MYO6: variants seen among roughly 807,000 people sequenced by gnomAD.
MYO6 encodes unconventional myosin-VI.
A neutral mutation model predicts 178.7 loss-of-function variants in MYO6; 74 were observed. That is an observed-to-expected ratio of 0.41 (90% CI 0.34 to 0.50). The LOEUF (loss-of-function observed/expected upper bound fraction) is 0.50, where lower values mean the gene tolerates loss of function less well. MYO6 is among the 20% of genes least tolerant of loss of function. The pLI is 0.09. For synonymous variants in MYO6, 477 were observed against 504.6 expected, an observed-to-expected ratio of 0.95 and a Z score of 0.73; for missense variants, 1,330 against 1,547.4, an observed-to-expected ratio of 0.86 and a Z score of 2.36.
chr6:75,832,606 A>C (rs1773212621), intron 5 of MYO6, among the ~76,000 whole-genome samples: 1 of 152,198 alleles, frequency 6.6e-6, no homozygotes, highest in African/African-American at 2.4e-5. Context: ...CAGAAACTTA[A>C]GAGTTGTTTA....
At chr6:75,906,408 G>T (rs1173250103) in intron 30 of MYO6, among the ~76,000 whole-genome samples, 1 of 152,174 alleles carries the variant, frequency 6.6e-6, no homozygotes, top group Admixed American at 6.5e-5. Context: ...AGGTGTGGTG[G>T]CTCACGCCTG....
rs1265157032 is a variant in MYO6 at position 75,867,112 on chromosome 6, G to T, written c.1944+7G>T. ...CGTGGGAAACAAGTTTAAGGTATTTGTGTTATTTAATTTTTTTTTTACTAT... is the reference window on the plus strand; with the variant it reads ...CGTGGGAAACAAGTTTAAGGTATTTTTGTTATTTAATTTTTTTTTTACTAT... On this transcript the variant is annotated splice_region_variant and intron_variant, in intron 18 of 34. Coordinates refer to ENST00000369977, the MANE Select transcript of MYO6 (RefSeq NM_004999.4). 6.3e-7 allele frequency: 1 copy of T among 1,588,768 alleles called. No individual in the cohort carries two copies. The highest frequency in any genetic ancestry group is 8.6e-7 in the Non-Finnish European group (1 of 1,168,922).
chr6:75,896,592 TAACTTTGTTTACATGTAA>T (rs1283744319), intron 29 of MYO6, among the ~76,000 whole-genome samples: 2 of 152,256 alleles, frequency 1.3e-5, no homozygotes, highest in Admixed American at 1.3e-4. Flanking sequence ...TTTACATGTA[TAACTTTGTTTACATGTAA>T]AATATGTGTT....
chr6:75,825,846 T>C (rs1772410696), intron 3 of MYO6, among the ~76,000 whole-genome samples: 1 of 152,152 alleles, frequency 6.6e-6, no homozygotes, highest in Non-Finnish European at 1.5e-5. Flanking sequence ...ATTAGAAACT[T>C]TTGTATATGT....
At chr6:75,824,066 GTGCTGTTAAAACT>G (rs149232272) in intron 3 of MYO6, among the ~76,000 whole-genome samples, 2,816 of 152,244 alleles carry the variant, frequency 0.018, 97 homozygotes, top group African/African-American at 0.063. Flanking sequence ...ACAAATTTTT[GTGCTGTTAAAACT>G]TGCTAGGGTG....
intron 1 of MYO6, among the ~76,000 whole-genome samples, chr6:75,769,318 C>G (rs1308839450): frequency 6.6e-6 from 1 of 152,230 alleles, no homozygotes; most frequent in African/African-American, 2.4e-5. Context: ...TCCTAAGTCT[C>G]ATCTGAGACT....
At chr6:75,769,305 A>G (rs1402868818) in intron 1 of MYO6, among the ~76,000 whole-genome samples, 3 of 152,202 alleles carry the variant, frequency 2.0e-5, no homozygotes, top group African/African-American at 7.2e-5. Context: ...AGCAAGACCA[A>G]AGTCCTAAGT....
chr6:75,832,108 A>C (rs1773156447), intron 5 of MYO6, among the ~76,000 whole-genome samples: 1 of 152,146 alleles, frequency 6.6e-6, no homozygotes, highest in African/African-American at 2.4e-5. Flanking sequence ...AACAGCATTA[A>C]ATTGCTTTCA....
chr6:75,852,528 C>A (rs1186698400), intron 11 of MYO6, among the ~76,000 whole-genome samples: 2 of 152,128 alleles, frequency 1.3e-5, no homozygotes, highest in African/African-American at 4.8e-5. Flanking sequence ...TCTCTCAACC[C>A]TAGGTGACCA....
At chr6:75,787,282 T>C (rs1313747906) in intron 1 of MYO6, among the ~76,000 whole-genome samples, 1 of 152,182 alleles carries the variant, frequency 6.6e-6, no homozygotes, top group Non-Finnish European at 1.5e-5. Flanking sequence ...ACACAAAGAC[T>C]CACATGTGAA....
At chr6:75,850,224 A>C (rs1295215830) in intron 11 of MYO6, among the ~76,000 whole-genome samples, 1 of 152,134 alleles carries the variant, frequency 6.6e-6, no homozygotes, top group East Asian at 1.9e-4. Flanking sequence ...ACCTCCTCTC[A>C]CTAGCAATAG....
intron 32 of MYO6, among the ~76,000 whole-genome samples, chr6:75,909,256 T>C (rs1780582878): frequency 6.6e-6 from 1 of 152,186 alleles, no homozygotes; most frequent in Non-Finnish European, 1.5e-5. Context: ...ATACCCAATA[T>C]TGTTATCTTT....
At chr6:75,913,253 C>A (rs1157445404) in intron 33 of MYO6, among the ~76,000 whole-genome samples, 1 of 152,022 alleles carries the variant, frequency 6.6e-6, no homozygotes, top group Non-Finnish European at 1.5e-5. Context: ...AAAAGAAAAA[C>A]CTAATTGTTA....
chr6:75,781,058 C>G (rs1056871749), intron 1 of MYO6, among the ~76,000 whole-genome samples: 5 of 152,182 alleles, frequency 3.3e-5, no homozygotes, highest in South Asian at 2.1e-4. Flanking sequence ...AGTGATCCGC[C>G]CACCTCAGCC....
rs1369696052 is a variant in MYO6, at chr6:75,758,608, C to T, written c.-48+9185C>T. ...CCCAAGTAGCTGGGACTACAGGCTC[C>T]CGCCACCACGCCCAGCTAATTTTTC... On this transcript the variant is annotated intron_variant, in intron 1 of 34. Coordinates refer to ENST00000369977, the MANE Select transcript of MYO6 (RefSeq NM_004999.4). Among the ~76,000 whole-genome samples, 4 of 151,614 alleles carry T rather than the reference C, an allele frequency of 2.6e-5. No individual in the cohort carries two copies. In the East Asian group the frequency reaches 7.8e-4, roughly 30 times the overall value.
At chr6:75,816,475 G>A (rs1012012744) in intron 1 of MYO6, among the ~76,000 whole-genome samples, 1 of 152,220 alleles carries the variant, frequency 6.6e-6, no homozygotes, top group Non-Finnish European at 1.5e-5. Flanking sequence ...TCAAAGTGTT[G>A]GCATTCTAGG....
chr6:75,785,566 G>C (rs1767467208), intron 1 of MYO6, among the ~76,000 whole-genome samples: 1 of 149,506 alleles, frequency 6.7e-6, no homozygotes, highest in South Asian at 2.1e-4. Context: ...TCGAAATCCT[G>C]GGCTCAAGCG....
chr6:75,841,065 GTTAT>G (rs1236286715), intron 8 of MYO6, 145 bp from the exon 9 acceptor site: 93 of 772,918 alleles, frequency 1.2e-4, no homozygotes, highest in Non-Finnish European at 1.5e-4. Flanking sequence ...CTTACGTTTA[GTTAT>G]TTGTTTTTTC....
intron 10 of MYO6, among the ~76,000 whole-genome samples, chr6:75,846,832 A>G (rs1774778289): frequency 6.6e-6 from 1 of 152,130 alleles, no homozygotes; most frequent in African/African-American, 2.4e-5. Flanking sequence ...TGTACTCTCC[A>G]AAGAAGAAAA....
Sources: allele counts gnomAD v4.1 joint callset (sites outside exome capture counted in the v4.1 genomes callset), GRCh38; gene constraint gnomAD v4.1.1; transcripts MANE v1.5; gene names NCBI Gene and HGNC (gene_info 2026-07-23, HGNC 2026-07-21).